Variants in OR3A2 observed in about 807,000 individuals in gnomAD.
The protein encoded by OR3A2 is olfactory receptor 3A2.
For missense variants in OR3A2, 318 were observed against 392.8 expected (o/e 0.81, Z 1.61); for synonymous variants, 126 against 159.3 (o/e 0.79, Z 1.57).
In OR3A2 at chr17:3,318,191, T is replaced by A. The variant is rs578206915; in HGVS notation, c.-85+17842A>T. Among the ~76,000 whole-genome samples the A allele has an allele frequency of 2.0e-5, 3 of 152,098 alleles. No individual in the cohort carries two copies. In the South Asian group the frequency reaches 6.2e-4, roughly 32 times the overall value. On this transcript the variant is annotated intron_variant, in intron 3 of 4. Coordinates refer to the OR3A2 transcript ENST00000573491. ...CCCCTAATTAGCTCCCAAATGAGAG[T>A]TCAGGATAATGCAGCCTAGGTGCTG... is the stretch of plus-strand genomic sequence containing the variant.
intron 3 of OR3A2, chr17:3,291,635 T>A: frequency 6.3e-7 from 1 of 1,593,612 alleles, no homozygotes. Context: ...TGAGACCTCC[T>A]CAAGCCAGTG....
At chr17:3,380,042 G>A (rs144885464) in intron 2 of OR3A2, among the ~76,000 whole-genome samples, 111 of 152,270 alleles carry the variant, frequency 7.3e-4, no homozygotes, top group Non-Finnish European at 1.4e-3. Context: ...TCAATTAGTG[G>A]GTGGCCCCTC....
At chr17:3,292,198 T>C (rs2048879017) in intron 3 of OR3A2, 8 of 1,614,104 alleles carry the variant, frequency 5.0e-6, no homozygotes, top group Non-Finnish European at 6.8e-6. Context: ...GGCCGGCAGA[T>C]GGCCAGGAAT....
chr17:3,346,664 A>T (rs1358580187), intron 2 of OR3A2, among the ~76,000 whole-genome samples: 7 of 150,264 alleles, frequency 4.7e-5, no homozygotes, highest in Non-Finnish European at 1.0e-4. Context: ...TTTTGTACCC[A>T]TTATCCATCC....
intron 2 of OR3A2, among the ~76,000 whole-genome samples, chr17:3,377,082 TGCAGAGTTTGCA>T (rs2049691381): frequency 6.6e-6 from 1 of 152,220 alleles, no homozygotes; most frequent in Non-Finnish European, 1.5e-5. Flanking sequence ...TCAGCTGCCT[TGCAGAGTTTGCA>T]GCGGCAAGCT....
intron 3 of OR3A2, among the ~76,000 whole-genome samples, chr17:3,296,720 C>T (rs2048920848): frequency 6.6e-6 from 1 of 152,046 alleles, no homozygotes; most frequent in Non-Finnish European, 1.5e-5. Flanking sequence ...CATGTGAAAA[C>T]TTGCTCGAGA....
chr17:3,333,568 T>A (rs1039832649), intron 3 of OR3A2, among the ~76,000 whole-genome samples: 2 of 152,182 alleles, frequency 1.3e-5, no homozygotes, highest in Non-Finnish European at 2.9e-5. Context: ...ATATGTGATG[T>A]CACCCTCGGA....
At chr17:3,330,509 A>T (rs914139525) in intron 3 of OR3A2, among the ~76,000 whole-genome samples, 1 of 151,866 alleles carries the variant, frequency 6.6e-6, no homozygotes, top group Non-Finnish European at 1.5e-5. Flanking sequence ...TTAAAGTCTG[A>T]TTTATCAGAG....
At position 3,337,465 on chromosome 17, in the gene OR3A2, C is replaced by T. The variant is rs138024940; in HGVS notation, c.-178-1339G>A. Among the ~76,000 whole-genome samples, 591 of 152,158 alleles carry T rather than the reference C, an allele frequency of 3.9e-3. 6 individuals carry two copies. Among genetic ancestry groups the T allele is most frequent in the African/African-American group, 0.013 (554 of 41,510 alleles). On this transcript the variant is annotated intron_variant, in intron 2 of 4. Coordinates refer to the OR3A2 transcript ENST00000573491. Reference sequence around the variant, plus strand: ...AGAGGCCCCGGTGTGTGATGTTCCCCGCCCTGTGTCCAAGTGTTCTCATTG... The same window carrying T: ...AGAGGCCCCGGTGTGTGATGTTCCCTGCCCTGTGTCCAAGTGTTCTCATTG...
chr17:3,320,967 G>C (rs1045141349), intron 3 of OR3A2, among the ~76,000 whole-genome samples: 7 of 152,080 alleles, frequency 4.6e-5, no homozygotes, highest in Admixed American at 4.6e-4. Context: ...AATTACCTTG[G>C]GCAGTATGGC....
At chr17:3,371,594 C>T (rs179476) in intron 2 of OR3A2, among the ~76,000 whole-genome samples, 46,157 of 122,044 alleles carry the variant, frequency 0.38, 9,074 homozygotes, top group Admixed American at 0.49. Context: ...CCCTCCCGGA[C>T]GGGGTGGCTG....
At chr17:3,281,236 T>A (rs2048774782) in intron 1 of OR3A2, among the ~76,000 whole-genome samples, 1 of 84,772 alleles carries the variant, frequency 1.2e-5, no homozygotes, top group South Asian at 4.2e-4. Context: ...GGCATCAGGA[T>A]TTTTTTTTTT....
intron 2 of OR3A2, among the ~76,000 whole-genome samples, chr17:3,373,043 T>C (rs897480523): frequency 1.8e-4 from 28 of 152,236 alleles, no homozygotes; most frequent in Non-Finnish European, 2.9e-5. Context: ...ATTTCCATCA[T>C]GATTTTACTC....
chr17:3,292,647 AG>A lies in OR3A2; in HGVS notation c.-84-13495del, dbSNP rs201699638. 5,799 of 1,407,744 alleles carry A rather than the reference AG, an allele frequency of 4.1e-3. 123 individuals are homozygous for A. In the African/African-American group the frequency reaches 0.062, roughly 15 times the overall value. 87.2% of individuals were successfully genotyped at this position (1,407,744 alleles called of 1,614,324 possible). On this transcript the variant is annotated intron_variant, in intron 3 of 4. Coordinates refer to the OR3A2 transcript ENST00000573491. ...CTCCTCCCAATAATTTATTTACTCA[AG>A]AAAAAGAAACAGACCCCCTTCTACT...
At chr17:3,381,408 C>T (rs1357317693) in intron 2 of OR3A2, among the ~76,000 whole-genome samples, 1 of 151,754 alleles carries the variant, frequency 6.6e-6, no homozygotes, top group Non-Finnish European at 1.5e-5. Context: ...CAATTCAAAG[C>T]AGACACCTGC....
chr17:3,337,981 A>C (rs570344262), intron 2 of OR3A2, among the ~76,000 whole-genome samples: 1 of 152,194 alleles, frequency 6.6e-6, no homozygotes, highest in South Asian at 2.1e-4. Flanking sequence ...CTGGTGTGAG[A>C]TGGTATCTCA....
At chr17:3,382,095 G>C (rs139447005) in intron 2 of OR3A2, among the ~76,000 whole-genome samples, 1 of 152,182 alleles carries the variant, frequency 6.6e-6, no homozygotes, top group Non-Finnish European at 1.5e-5. Flanking sequence ...TCCTGGAGGA[G>C]TGGAGCTGGG....
chr17:3,348,995 G>T (rs151180116), intron 2 of OR3A2, among the ~76,000 whole-genome samples: 22,760 of 151,550 alleles, frequency 0.15, 2,280 homozygotes, highest in African/African-American at 0.28. Context: ...AGATTTTGTC[G>T]CCACCAGGCC....
chr17:3,361,394 A>G (rs2049514317), intron 2 of OR3A2, among the ~76,000 whole-genome samples: 1 of 151,546 alleles, frequency 6.6e-6, no homozygotes, highest in African/African-American at 2.4e-5. Context: ...TTCCTAACTG[A>G]ATGTGCTTTA....
Sources: gnomAD v4.1 joint callset for allele counts (sites outside exome capture counted in the v4.1 genomes callset) on GRCh38, gnomAD v4.1.1 for gene constraint, MANE v1.5 for transcripts, NCBI Gene and HGNC (gene_info 2026-07-23, HGNC 2026-07-21) for gene names.